The following STRA8 variants were observed in gnomAD, a reference collection of about 807,000 sequenced individuals.
STRA8 encodes the protein stimulated by retinoic acid 8, also known as stimulated by retinoic acid gene 8 protein homolog.
STRA8 carries 18 observed loss-of-function variants against 37.1 expected under a neutral mutation model. The observed-to-expected ratio is 0.48, with a 90% CI of 0.34 to 0.72. The LOEUF (loss-of-function observed/expected upper bound fraction) is 0.72, where lower values mean the gene tolerates loss of function less well. Among genes scored for constraint, STRA8 ranks in the 30% least tolerant of loss-of-function variants. The pLI is 0.01. For missense variants in STRA8, 357 were observed against 410.4 expected (o/e 0.87, Z 1.13); for synonymous variants, 168 against 162.9 (o/e 1.03, Z -0.24).
Position 135,246,238 on chromosome 7 carries a change from C to A in STRA8, c.594-179C>A. ...AGCCCAAGTCTATGTCCTTCATGGC[C>A]CCCAGGAAGGCTGCTGCTCTCCAAG... On this transcript the variant is annotated intron_variant, in intron 5 of 8. Coordinates refer to ENST00000662584, the MANE Select transcript of STRA8 (RefSeq NM_001394401.1). The surrounding 1 kb of genome is among the most constrained non-coding windows in gnomAD (Gnocchi z 5.4). The A allele has an allele frequency of 1.2e-6, 1 of 811,970 alleles. No homozygotes were observed. The highest frequency in any genetic ancestry group is 1.9e-6 in the Non-Finnish European group (1 of 519,926). 50.3% of individuals were successfully genotyped at this position (811,970 alleles called of 1,614,324 possible).
chr7:135,232,622 T>A (rs1394367140), upstream of STRA8, among the ~76,000 whole-genome samples: 6 of 151,286 alleles, frequency 4.0e-5, no homozygotes, highest in Admixed American at 3.3e-4. Flanking sequence ...AGAACCTGTC[T>A]CAGGAAAAAA....
chr7:135,242,007 T>G (rs188598932), intron 2 of STRA8, among the ~76,000 whole-genome samples: 2 of 149,838 alleles, frequency 1.3e-5, no homozygotes, highest in African/African-American at 4.9e-5. Context: ...ATTTTGACTT[T>G]AATAATGTTA....
rs1207912588 is a variant in STRA8, at chr7:135,242,794, A to G, written c.206A>G (p.Asn69Ser). 6 of 1,614,080 alleles carry G rather than the reference A, an allele frequency of 3.7e-6. No homozygotes were observed. In the Admixed American group the frequency reaches 8.3e-5, roughly 22 times the overall value. The part of the protein sequence containing the change: ...DLIASKWQVL[N>S]KAKSHIPELE... ...GTCTATCCTCAGTGGCAGGTTCTGA[A>G]TAAGGCAAAGAGTCATATTCCAGAA... is the stretch of plus-strand genomic sequence containing the variant. The change falls in exon 3 of 9, where the codon AAT (asparagine) becomes AGT (serine). Residue 69 changes from asparagine (N) to serine (S), a missense_variant. Asn to Ser is a conservative substitution (Grantham distance 46). Transcript: ENST00000662584.
chr7:135,258,195 C>G (rs1832728203), intron 8 of STRA8, among the ~76,000 whole-genome samples: 1 of 152,158 alleles, frequency 6.6e-6, no homozygotes, highest in African/African-American at 2.4e-5. Flanking sequence ...CTGCTGTGTC[C>G]TTTCTGGAGG....
At position 135,245,273 on chromosome 7, in the gene STRA8, T is replaced by G. The variant is rs928429051; in HGVS notation, c.354-15T>G. ...TATTAATCTATAGTTGTCTTGTTTC[T>G]GTTTTCTTTCCCAGCCTGCTTTCAA... On this transcript the variant is annotated splice_polypyrimidine_tract_variant and intron_variant, in intron 4 of 8. Coordinates refer to ENST00000662584, the MANE Select transcript of STRA8 (RefSeq NM_001394401.1). The G allele has an allele frequency of 1.3e-6, 1 of 781,036 alleles. No homozygotes were observed. The highest frequency in any genetic ancestry group is 1.3e-5 in the South Asian group (1 of 74,616). The allele number at this position is 781,036 out of a possible 1,614,324, so 48.4% of individuals were successfully genotyped here. A position where few individuals can be genotyped will look rare whatever the true frequency, so the allele number is the denominator to read the frequency against.
chr7:135,244,435 G>A (rs183713825), intron 4 of STRA8, among the ~76,000 whole-genome samples: 2 of 152,300 alleles, frequency 1.3e-5, no homozygotes, highest in Admixed American at 6.5e-5. Flanking sequence ...TGCAGGTCCT[G>A]ACTTTTCCAA....
intron 6 of STRA8, among the ~76,000 whole-genome samples, chr7:135,247,667 G>T (rs576784560): frequency 6.6e-6 from 1 of 152,326 alleles, no homozygotes; most frequent in South Asian, 2.1e-4. Flanking sequence ...TTGAAAGGCC[G>T]TCAGTTCCCA....
At chr7:135,240,485 AG>A in intron 1 of STRA8, 33 bp from the exon 2 acceptor site, 1 of 1,561,824 alleles carries the variant, frequency 6.4e-7, no homozygotes, top group South Asian at 1.2e-5. Flanking sequence ...TTTATTATCT[AG>A]GGCAAAAAAA....
intron 6 of STRA8, among the ~76,000 whole-genome samples, chr7:135,250,571 C>T (rs142357423): frequency 6.6e-6 from 1 of 152,142 alleles, no homozygotes; most frequent in Non-Finnish European, 1.5e-5. Context: ...AGGGCAGACA[C>T]CAATCCTCTT....
At chr7:135,254,162 C>T (rs144748389) in intron 7 of STRA8, among the ~76,000 whole-genome samples, 31 of 152,346 alleles carry the variant, frequency 2.0e-4, no homozygotes, top group African/African-American at 7.2e-4. Flanking sequence ...AAGACACATT[C>T]CTGTTTCTGT....
Position 135,246,678 on chromosome 7 carries a change from C to T in STRA8, c.855C>T (p.Cys285=). The T allele has an allele frequency of 6.5e-7, 1 of 1,528,540 alleles. No individual in the cohort carries two copies. Among genetic ancestry groups the T allele is most frequent in the Non-Finnish European group, 8.7e-7 (1 of 1,144,314 alleles). 94.7% of individuals were successfully genotyped at this position (1,528,540 alleles called of 1,614,324 possible). A position where few individuals can be genotyped will look rare whatever the true frequency, so the allele number is the denominator to read the frequency against. The change falls in exon 6 of 9, where the codon TGC becomes TGT. Residue 285 remains cysteine (C), a synonymous_variant. Transcript: ENST00000662584. The surrounding 1 kb of genome is among the most constrained non-coding windows in gnomAD (Gnocchi z 5.4). ...GCGTGGACAGCCAGGGGGCCAGCTG[C>T]TCGCTGGTCTCCACGCCCGAGGAGG... ...DSGVDSQGAS[C]SLVSTPEEIL...
intron 1 of STRA8, among the ~76,000 whole-genome samples, chr7:135,235,102 G>A (rs1336995231): frequency 2.0e-5 from 3 of 152,110 alleles, no homozygotes; most frequent in African/African-American, 7.2e-5. Context: ...AAACTCCTGA[G>A]CTCAAGTGAT....
At chr7:135,239,261 C>T (rs548056517) in intron 1 of STRA8, among the ~76,000 whole-genome samples, 126 of 152,278 alleles carry the variant, frequency 8.3e-4, no homozygotes, top group African/African-American at 2.9e-3. Context: ...CAAGAGTTAG[C>T]GGTGGCTCTC....
At chr7:135,236,096 T>C (rs62481956) in intron 1 of STRA8, among the ~76,000 whole-genome samples, 19,267 of 151,116 alleles carry the variant, frequency 0.13, 1,526 homozygotes, top group Middle Eastern at 0.29. Flanking sequence ...AGCGAGACCC[T>C]ATCTCAAAAG....
At chr7:135,253,448 G>A (rs1832664636) in intron 7 of STRA8, among the ~76,000 whole-genome samples, 1 of 152,180 alleles carries the variant, frequency 6.6e-6, no homozygotes, top group Non-Finnish European at 1.5e-5. Context: ...GAGAAGGCGG[G>A]GAGGGGGCTC....
At position 135,258,349 on chromosome 7, in the gene STRA8, C is replaced by A. The variant is rs1007115380; in HGVS notation, c.1066-69C>A. 14 of 1,317,300 alleles carry A rather than the reference C, an allele frequency of 1.1e-5. No homozygotes were observed. In the Admixed American group the frequency reaches 2.8e-4, roughly 27 times the overall value. The allele number at this position is 1,317,300 out of a possible 1,614,324, so 81.6% of individuals were successfully genotyped here. ...GCTGGGCACACCGGAGATGCAGGAGCCTTCCTATCTGCCTCGGGCCCAAGA... is the reference window on the plus strand; with the variant it reads ...GCTGGGCACACCGGAGATGCAGGAGACTTCCTATCTGCCTCGGGCCCAAGA... On this transcript the variant is annotated intron_variant, in intron 8 of 8. Transcript: ENST00000662584.
chr7:135,242,651 A>G (rs1438265746), intron 2 of STRA8, 130 bp from the exon 3 acceptor site: 2 of 769,878 alleles, frequency 2.6e-6, no homozygotes, highest in African/African-American at 3.5e-5. Context: ...CTTTTTACTG[A>G]CAAGGTTAAG....
intron 8 of STRA8, among the ~76,000 whole-genome samples, chr7:135,255,751 G>A (rs1832696045): frequency 6.6e-6 from 1 of 152,222 alleles, no homozygotes; most frequent in Non-Finnish European, 1.5e-5. Context: ...ATTGTCTTCC[G>A]TGAAACTGGT....
At chr7:135,239,964 T>A (rs1415768465) in intron 1 of STRA8, among the ~76,000 whole-genome samples, 1 of 152,156 alleles carries the variant, frequency 6.6e-6, no homozygotes, top group African/African-American at 2.4e-5. Flanking sequence ...TTTTTTCATA[T>A]GCATACACCT....
Sources: allele counts gnomAD v4.1 joint callset (sites outside exome capture counted in the v4.1 genomes callset), GRCh38; gene constraint gnomAD v4.1.1; non-coding constraint Gnocchi (gnomAD v3.1); transcripts MANE v1.5; gene names NCBI Gene and HGNC (gene_info 2026-07-23, HGNC 2026-07-21).